Variants in RPS6KC1 observed in about 807,000 individuals in gnomAD.
RPS6KC1 encodes the protein ribosomal protein S6 kinase C1.
A neutral mutation model predicts 103.8 loss-of-function variants in RPS6KC1; 54 were observed. That is an observed-to-expected ratio of 0.52 (90% CI 0.42 to 0.65). The LOEUF (loss-of-function observed/expected upper bound fraction) is 0.65. Among genes scored for constraint, RPS6KC1 ranks in the 30% least tolerant of loss-of-function variants. The probability of loss-of-function intolerance (pLI) is 0.00; values close to 1 mark genes in which losing one functional copy is unlikely to be tolerated. For synonymous variants in RPS6KC1, 439 were observed against 438.7 expected (o/e 1.00, Z -0.01); for missense variants, 1,151 against 1,253.8 (o/e 0.92, Z 1.24).
the RPS6KC1 span, among the ~76,000 whole-genome samples, chr1:213,852,590 A>G: frequency 6.6e-6 from 1 of 152,204 alleles, no homozygotes; most frequent in African/African-American, 2.4e-5. Context: ...ACAGTACACA[A>G]GCTTGTTATG....
the RPS6KC1 span, among the ~76,000 whole-genome samples, chr1:213,487,268 C>T: frequency 6.6e-6 from 1 of 152,082 alleles, no homozygotes; most frequent in Non-Finnish European, 1.5e-5. Context: ...TGGTGGCCCA[C>T]GTTGGTAGTC....
chr1:213,723,469 A>G, the RPS6KC1 span, among the ~76,000 whole-genome samples: 1 of 152,016 alleles, frequency 6.6e-6, no homozygotes, highest in Non-Finnish European at 1.5e-5. Context: ...CTATCTTCCA[A>G]CGGTCTCCCT....
intron 8 of RPS6KC1, among the ~76,000 whole-genome samples, chr1:213,207,075 A>G (rs1412089678): frequency 6.6e-6 from 1 of 152,126 alleles, no homozygotes; most frequent in Admixed American, 6.6e-5. Context: ...CAACACTGCA[A>G]TCCAGCCTGG....
chr1:213,831,906 C>T, the RPS6KC1 span, among the ~76,000 whole-genome samples: 3 of 152,296 alleles, frequency 2.0e-5, no homozygotes, highest in South Asian at 6.2e-4. Context: ...TTCCTCTGCG[C>T]TAGGTCCTTA....
chr1:213,205,638 T>G (rs1357076502), intron 8 of RPS6KC1, among the ~76,000 whole-genome samples: 1 of 148,206 alleles, frequency 6.7e-6, no homozygotes, highest in East Asian at 2.0e-4. Context: ...TAATTAATGA[T>G]ATCATCTTAA....
the RPS6KC1 span, among the ~76,000 whole-genome samples, chr1:213,524,450 G>A: frequency 6.6e-6 from 1 of 151,048 alleles, no homozygotes; most frequent in Non-Finnish European, 1.5e-5. Flanking sequence ...TCAGCAGATC[G>A]ACTAGCTTCA....
chr1:213,406,642 G>A, the RPS6KC1 span, among the ~76,000 whole-genome samples: 1 of 152,132 alleles, frequency 6.6e-6, no homozygotes, highest in African/African-American at 2.4e-5. Context: ...CTAATGGATT[G>A]CAAGTGTTGA....
At position 213,068,585 on chromosome 1, in the gene RPS6KC1, G is replaced by T. The variant is rs371982177; in HGVS notation, c.106-2421G>T. On this transcript the variant is annotated intron_variant, in intron 1 of 14. Coordinates refer to ENST00000366960, the MANE Select transcript of RPS6KC1 (RefSeq NM_012424.6). ...TTTGGAAAGGTGTGTGAGGGGACAG[G>T]CTGGTATTTGAAAGTAATAGCTAAA... Among the ~76,000 whole-genome samples the T allele has an allele frequency of 2.0e-5, 3 of 151,596 alleles. No individual in the cohort carries two copies. The East Asian group carries it at 5.8e-4, about 29-fold the overall frequency.
chr1:213,363,716 T>C, the RPS6KC1 span, among the ~76,000 whole-genome samples: 132 of 123,830 alleles, frequency 1.1e-3, 12 homozygotes, highest in East Asian at 5.3e-3. Context: ...CTTTCTTTCT[T>C]TCTTTCTTTC....
At chr1:213,764,299 CCAGGGCAGTCAG>C in the RPS6KC1 span, among the ~76,000 whole-genome samples, 16 of 152,076 alleles carry the variant, frequency 1.1e-4, no homozygotes, top group Admixed American at 7.2e-4. Flanking sequence ...GAACAGTGGC[CCAGGGCAGTCAG>C]CAGGGCAGTC....
At chr1:213,423,290 G>A in the RPS6KC1 span, among the ~76,000 whole-genome samples, 30 of 152,200 alleles carry the variant, frequency 2.0e-4, no homozygotes, top group Non-Finnish European at 2.8e-4. Flanking sequence ...ATGCGCCTCA[G>A]GTAGCAGATC....
rs2148546162 is a variant in RPS6KC1 at position 213,198,581 on chromosome 1, A to G, written c.1044+22089A>G. Among the ~76,000 whole-genome samples, 4 of 152,326 alleles carry G rather than the reference A, an allele frequency of 2.6e-5. No homozygotes were observed. The South Asian group carries it at 8.3e-4, about 32-fold the overall frequency. ...TTTAGATTTCTCTTCTTCCTCAGGAATGCCAGAGAGAGTAGGAGGGAGGAA... is the reference window on the plus strand; with the variant it reads ...TTTAGATTTCTCTTCTTCCTCAGGAGTGCCAGAGAGAGTAGGAGGGAGGAA... On this transcript the variant is annotated intron_variant, in intron 8 of 14. Transcript: ENST00000366960.
At chr1:213,761,944 G>A in the RPS6KC1 span, among the ~76,000 whole-genome samples, 1 of 151,816 alleles carries the variant, frequency 6.6e-6, no homozygotes, top group Non-Finnish European at 1.5e-5. Context: ...GATATATCTA[G>A]ATTTGATAAA....
chr1:213,082,919 T>G lies in RPS6KC1; in HGVS notation c.262+5103T>G, dbSNP rs183092716. Among the ~76,000 whole-genome samples the G allele has an allele frequency of 2.0e-5, 3 of 152,272 alleles. No homozygotes were observed. In the East Asian group the frequency reaches 5.8e-4, roughly 29 times the overall value. On this transcript the variant is annotated intron_variant, in intron 3 of 14. Coordinates refer to ENST00000366960, the MANE Select transcript of RPS6KC1 (RefSeq NM_012424.6). ...CAGACCAAATGCTCTCAATAAAGAT[T>G]AAGGTTGTGCCTTACACATCCTCTC...
chr1:213,542,025 T>A, the RPS6KC1 span, among the ~76,000 whole-genome samples: 4 of 152,186 alleles, frequency 2.6e-5, no homozygotes, highest in Admixed American at 2.0e-4. Flanking sequence ...TTCCACCTTG[T>A]TTGCCTCCCT....
intron 2 of RPS6KC1, among the ~76,000 whole-genome samples, chr1:213,071,606 T>G (rs182280631): frequency 6.6e-6 from 1 of 152,324 alleles, no homozygotes; most frequent in East Asian, 1.9e-4. Context: ...TTCTGGTAAC[T>G]AGTGTTTACA....
the RPS6KC1 span, among the ~76,000 whole-genome samples, chr1:213,603,586 G>A: frequency 1.3e-5 from 2 of 151,720 alleles, no homozygotes; most frequent in African/African-American, 2.4e-5. Context: ...CTGGCCAGGT[G>A]TAGTAGCTCA....
At chr1:213,493,515 G>C in the RPS6KC1 span, among the ~76,000 whole-genome samples, 1 of 152,204 alleles carries the variant, frequency 6.6e-6, no homozygotes, top group African/African-American at 2.4e-5. Flanking sequence ...CACAGAAAAA[G>C]ACAGACATTG....
chr1:213,453,577 A>G, the RPS6KC1 span, among the ~76,000 whole-genome samples: 1 of 152,176 alleles, frequency 6.6e-6, no homozygotes, highest in Non-Finnish European at 1.5e-5. Context: ...AAGAATAGTG[A>G]GCCAGAGACC....
Sources: gnomAD v4.1 joint callset for allele counts (sites outside exome capture counted in the v4.1 genomes callset) on GRCh38, gnomAD v4.1.1 for gene constraint, MANE v1.5 for transcripts, NCBI Gene and HGNC (gene_info 2026-07-23, HGNC 2026-07-21) for gene names.